B3GALT1: variants seen among roughly 807,000 people sequenced by gnomAD.
B3GALT1 encodes the protein beta-1,3-galactosyltransferase 1.
In B3GALT1, 10 loss-of-function variants were observed where a neutral mutation model predicts 23.2. The observed-to-expected ratio is 0.43, with a 90% confidence interval of 0.27 to 0.73. The LOEUF is 0.73. B3GALT1 is among the 30% of genes least tolerant of loss of function. The pLI, the probability that B3GALT1 is intolerant of heterozygous loss-of-function variation, is 0.21. For missense variants in B3GALT1, 299 were observed against 405.4 expected (o/e 0.74, Z 2.25); for synonymous variants, 156 against 141.5 (o/e 1.10, Z -0.73).
At chr2:167,683,705 TGA>T (rs1686572419) in intron 3 of B3GALT1, among the ~76,000 whole-genome samples, 1 of 151,920 alleles carries the variant, frequency 6.6e-6, no homozygotes, top group Non-Finnish European at 1.5e-5. Flanking sequence ...TGTGACAAAG[TGA>T]GAGTCTGTCT....
At chr2:167,569,355 T>C (rs927274394) in intron 2 of B3GALT1, among the ~76,000 whole-genome samples, 2 of 151,966 alleles carry the variant, frequency 1.3e-5, no homozygotes, top group African/African-American at 4.8e-5. Context: ...CATTTATTCC[T>C]TCTCCTTAGA....
At chr2:167,826,782 G>A (rs11893613) in intron 4 of B3GALT1, among the ~76,000 whole-genome samples, 4,020 of 152,128 alleles carry the variant, frequency 0.026, 176 homozygotes, top group African/African-American at 0.092. Context: ...GATAATATAA[G>A]TAAAAAATAC....
intron 2 of B3GALT1, among the ~76,000 whole-genome samples, chr2:167,507,011 T>C (rs919886408): frequency 6.6e-6 from 1 of 152,046 alleles, no homozygotes; most frequent in African/African-American, 2.4e-5. Flanking sequence ...AAATGGAGAA[T>C]CATTAAAAGT....
At chr2:167,547,603 A>G (rs951133777) in intron 2 of B3GALT1, among the ~76,000 whole-genome samples, 1 of 150,908 alleles carries the variant, frequency 6.6e-6, no homozygotes, top group Non-Finnish European at 1.5e-5. Flanking sequence ...GTGAGGCAAG[A>G]GAATCACTTG....
chr2:167,298,109 G>T (rs916133255), intron 1 of B3GALT1, among the ~76,000 whole-genome samples: 4 of 151,992 alleles, frequency 2.6e-5, no homozygotes, highest in African/African-American at 9.7e-5. Context: ...CCAACAAATG[G>T]TTACCATATC....
chr2:167,425,161 C>T (rs901250721), intron 1 of B3GALT1, among the ~76,000 whole-genome samples: 15 of 152,198 alleles, frequency 9.9e-5, no homozygotes, highest in African/African-American at 3.4e-4. Context: ...CTTGACAGAG[C>T]CTGCAGAGTC....
intron 1 of B3GALT1, among the ~76,000 whole-genome samples, chr2:167,488,962 CTATG>C (rs1699664362): frequency 1.1e-5 from 1 of 92,912 alleles, no homozygotes; most frequent in Non-Finnish European, 2.0e-5. Context: ...TAATGAAGGA[CTATG>C]ATATTACAAA....
At chr2:167,597,111 G>GTTTTTTTTTTTTTT (rs1354123455) in intron 2 of B3GALT1, among the ~76,000 whole-genome samples, 5 of 135,554 alleles carry the variant, frequency 3.7e-5, no homozygotes, top group African/African-American at 1.5e-4. Context: ...TTTGTTTTTT[G>GTTTTTTTTTTTTTT]TTTTTGTTTT....
intron 2 of B3GALT1, among the ~76,000 whole-genome samples, chr2:167,516,972 G>A (rs1346992): frequency 0.053 from 2,131 of 39,882 alleles, 46 homozygotes; most frequent in African/African-American, 0.42. Context: ...ATATATATAT[G>A]ACACTTAAGC....
chr2:167,577,145 C>G, intron 2 of B3GALT1, among the ~76,000 whole-genome samples: 1 of 151,782 alleles, frequency 6.6e-6, no homozygotes, highest in Non-Finnish European at 1.5e-5. Context: ...TTTGGTATAA[C>G]TGAATATGAA....
At chr2:167,402,954 C>A (rs1698215373) in intron 1 of B3GALT1, among the ~76,000 whole-genome samples, 1 of 152,068 alleles carries the variant, frequency 6.6e-6, no homozygotes, top group South Asian at 2.1e-4. Context: ...ACACTCCCAT[C>A]CCCACTCCCC....
chr2:167,514,982 A>G (rs1351904005), intron 2 of B3GALT1, among the ~76,000 whole-genome samples: 1 of 152,144 alleles, frequency 6.6e-6, no homozygotes, highest in African/African-American at 2.4e-5. Flanking sequence ...TCTTATTATC[A>G]TTATGATTTT....
At chr2:167,486,924 T>C (rs570093895) in intron 1 of B3GALT1, among the ~76,000 whole-genome samples, 66 of 152,318 alleles carry the variant, frequency 4.3e-4, no homozygotes, top group African/African-American at 1.6e-3. Context: ...CCTTTAATTA[T>C]CAACCATTTG....
intron 1 of B3GALT1, among the ~76,000 whole-genome samples, chr2:167,341,686 T>C (rs1342213797): frequency 2.0e-5 from 3 of 152,108 alleles, no homozygotes; most frequent in African/African-American, 7.2e-5. Flanking sequence ...AGATTACTGC[T>C]CAGCCTTTTC....
chr2:167,550,922 G>A (rs1330853379), intron 2 of B3GALT1, among the ~76,000 whole-genome samples: 2 of 152,186 alleles, frequency 1.3e-5, no homozygotes, highest in Non-Finnish European at 2.9e-5. Flanking sequence ...TCCAGGGAGG[G>A]TTGGCATGGC....
At position 167,821,027 on chromosome 2, in the gene B3GALT1, A is replaced by G. The variant is rs905007451; in HGVS notation, c.-230+2234A>G. Reference sequence around the variant, plus strand: ...TTATCAAGAACTTTGCATGTGTGCTATTGATATGATAATGCAATCCTAATG... The same window carrying G: ...TTATCAAGAACTTTGCATGTGTGCTGTTGATATGATAATGCAATCCTAATG... On this transcript the variant is annotated intron_variant, in intron 4 of 4. Transcript: ENST00000392690. Among the ~76,000 whole-genome samples, 18 of 152,302 alleles carry G rather than the reference A, an allele frequency of 1.2e-4. No homozygotes were observed. In the East Asian group the frequency reaches 2.9e-3, roughly 25 times the overall value.
intron 3 of B3GALT1, among the ~76,000 whole-genome samples, chr2:167,684,307 A>G (rs1414150229): frequency 1.3e-5 from 2 of 152,224 alleles, no homozygotes; most frequent in Non-Finnish European, 2.9e-5. Context: ...ACAGCCTACA[A>G]ATTACCTAAA....
At chr2:167,826,120 A>G (rs969836216) in intron 4 of B3GALT1, among the ~76,000 whole-genome samples, 1 of 152,048 alleles carries the variant, frequency 6.6e-6, no homozygotes, top group Non-Finnish European at 1.5e-5. Context: ...TCACCTCTGC[A>G]TTTGGTTTCT....
At chr2:167,331,347 G>A (rs1163275545) in intron 1 of B3GALT1, among the ~76,000 whole-genome samples, 1 of 152,170 alleles carries the variant, frequency 6.6e-6, no homozygotes, top group Admixed American at 6.5e-5. Flanking sequence ...TTGGGTGCTG[G>A]GGATGATGGC....
Sources: gnomAD v4.1 joint callset for allele counts (sites outside exome capture counted in the v4.1 genomes callset) on GRCh38, gnomAD v4.1.1 for gene constraint, MANE v1.5 for transcripts, NCBI Gene and HGNC (gene_info 2026-07-23, HGNC 2026-07-21) for gene names.